The following FGF12 variants were observed in gnomAD, a reference collection of about 807,000 sequenced individuals.
FGF12 encodes fibroblast growth factor 12, also known as fibroblast growth factor 12B.
In FGF12, 14 loss-of-function variants were observed where a neutral mutation model predicts 23.6. The ratio of observed to expected loss-of-function variants is 0.59; its 90% confidence interval spans 0.39 to 0.93. The LOEUF (loss-of-function observed/expected upper bound fraction) is 0.93. FGF12 is among the 40% of genes least tolerant of loss of function. The pLI, the probability that FGF12 is intolerant of heterozygous loss-of-function variation, is 0.00. For synonymous variants in FGF12, 62 were observed against 77.3 expected, an observed-to-expected ratio of 0.80 and a Z score of 1.04; for missense variants, 175 against 217.8, an observed-to-expected ratio of 0.80 and a Z score of 1.24.
chr3:192,340,870 T>C (rs1039912773), intron 3 of FGF12, among the ~76,000 whole-genome samples: 1 of 151,762 alleles, frequency 6.6e-6, no homozygotes, highest in Non-Finnish European at 1.5e-5. Context: ...GAAAAAAACA[T>C]AGGGGAAAAA....
At chr3:192,292,818 C>T (rs1419017863) in intron 4 of FGF12, among the ~76,000 whole-genome samples, 1 of 152,124 alleles carries the variant, frequency 6.6e-6, no homozygotes, top group African/African-American at 2.4e-5. Flanking sequence ...GCTTGGTCAC[C>T]CAGGCTGAAG....
chr3:192,679,034 CCA>C (rs1362650231), intron 2 of FGF12, among the ~76,000 whole-genome samples: 1 of 152,076 alleles, frequency 6.6e-6, no homozygotes, highest in East Asian at 1.9e-4. Context: ...GATTTGGGGG[CCA>C]CACTTTTGAG....
intron 4 of FGF12, among the ~76,000 whole-genome samples, chr3:192,229,426 T>C (rs11922805): frequency 0.011 from 1,618 of 152,174 alleles, 26 homozygotes; most frequent in African/African-American, 0.037. Context: ...AAAATTTAGA[T>C]GCAGGTATTC....
chr3:192,684,188 G>A (rs979688717), intron 2 of FGF12, among the ~76,000 whole-genome samples: 2 of 152,108 alleles, frequency 1.3e-5, no homozygotes, highest in Non-Finnish European at 2.9e-5. Flanking sequence ...TGACACAGGC[G>A]ATCTGCAGAA....
At chr3:192,601,356 TA>T (rs1365005719) in intron 2 of FGF12, among the ~76,000 whole-genome samples, 1 of 151,644 alleles carries the variant, frequency 6.6e-6, no homozygotes, top group African/African-American at 2.4e-5. Context: ...ATAGGAAGAG[TA>T]AGTTCTAGTG....
At chr3:192,512,966 T>C (rs1484395448) in intron 2 of FGF12, among the ~76,000 whole-genome samples, 1 of 150,858 alleles carries the variant, frequency 6.6e-6, no homozygotes, top group Non-Finnish European at 1.5e-5. Context: ...GTCCCATACT[T>C]GCAACAAACT....
At chr3:192,542,281 ACT>A (rs1725389262) in intron 2 of FGF12, among the ~76,000 whole-genome samples, 1 of 151,306 alleles carries the variant, frequency 6.6e-6, no homozygotes. Context: ...CTGATAAGAG[ACT>A]CTGATGCATT....
At chr3:192,338,709 T>A (rs953908228) in intron 3 of FGF12, among the ~76,000 whole-genome samples, 1 of 152,166 alleles carries the variant, frequency 6.6e-6, no homozygotes, top group Admixed American at 6.5e-5. Flanking sequence ...AACATTCAAT[T>A]ACCCAGGTCT....
At chr3:192,585,531 G>C (rs745353479) in intron 2 of FGF12, among the ~76,000 whole-genome samples, 9 of 152,032 alleles carry the variant, frequency 5.9e-5, no homozygotes, top group Non-Finnish European at 1.0e-4. Context: ...GAAACTTCTA[G>C]ACACCTAACA....
chr3:192,439,989 A>G (rs1722156517), intron 2 of FGF12, among the ~76,000 whole-genome samples: 1 of 151,820 alleles, frequency 6.6e-6, no homozygotes, highest in African/African-American at 2.4e-5. Flanking sequence ...AAAAAAAAAA[A>G]AAAGCATAAT....
chr3:192,495,883 G>A (rs9833226), intron 2 of FGF12, among the ~76,000 whole-genome samples: 124,424 of 152,076 alleles, frequency 0.82, 51,891 homozygotes, highest in Non-Finnish European at 0.9. Flanking sequence ...GGCTCATCTC[G>A]AACTCCTGGG....
chr3:192,409,903 C>G lies in FGF12; in HGVS notation c.14-49365G>C, dbSNP rs1441058164. Among the ~76,000 whole-genome samples the G allele has an allele frequency of 2.0e-5, 3 of 151,774 alleles. No individual in the cohort carries two copies. Among genetic ancestry groups the G allele is most frequent in the Non-Finnish European group, 4.4e-5 (3 of 67,894 alleles). ...AGAGCCGCGGGCTTGCGGGGCGCCC[C>G]CCGCCGCCGCGCCGCCGCCTCCCCA... On this transcript the variant is annotated intron_variant, in intron 2 of 5. Transcript: ENST00000445105. This position sits in a 1 kb window ranked among gnomAD's most constrained non-coding sequence, Gnocchi z 4.8.
chr3:192,513,519 A>C (rs1240784729), intron 2 of FGF12, among the ~76,000 whole-genome samples: 3 of 152,222 alleles, frequency 2.0e-5, no homozygotes, highest in Non-Finnish European at 4.4e-5. Context: ...TCAAAGATCT[A>C]TAAGAATGAA....
chr3:192,439,574 C>A (rs1722132683), intron 2 of FGF12, among the ~76,000 whole-genome samples: 1 of 152,154 alleles, frequency 6.6e-6, no homozygotes, highest in South Asian at 2.1e-4. Flanking sequence ...AGACCTGGTT[C>A]TTGCCTCAAC....
At chr3:192,608,975 G>T (rs1450192298) in intron 2 of FGF12, among the ~76,000 whole-genome samples, 1 of 152,084 alleles carries the variant, frequency 6.6e-6, no homozygotes, top group Non-Finnish European at 1.5e-5. Flanking sequence ...AAGGCATTTG[G>T]CTGAGCTATA....
chr3:192,159,854 A>C (rs1714765233), intron 5 of FGF12, among the ~76,000 whole-genome samples: 1 of 152,156 alleles, frequency 6.6e-6, no homozygotes, highest in African/African-American at 2.4e-5. Context: ...GGAATTATAG[A>C]ACCCAAAGTC....
At chr3:192,407,660 GA>G (rs1721016415) in intron 2 of FGF12, among the ~76,000 whole-genome samples, 1 of 152,016 alleles carries the variant, frequency 6.6e-6, no homozygotes, top group African/African-American at 2.4e-5. Context: ...TGCATGGACG[GA>G]TAGATGCATG....
intron 3 of FGF12, among the ~76,000 whole-genome samples, chr3:192,335,734 T>G (rs1717372723): frequency 6.6e-6 from 1 of 152,068 alleles, no homozygotes; most frequent in South Asian, 2.1e-4. Flanking sequence ...GATCTGAGAT[T>G]TCAGGATCCC....
At chr3:192,502,204 C>T (rs569793053) in intron 2 of FGF12, among the ~76,000 whole-genome samples, 2 of 152,122 alleles carry the variant, frequency 1.3e-5, no homozygotes, top group East Asian at 3.9e-4. Context: ...TTGGAAATAC[C>T]CCTCCCACCA....
Sources: allele counts gnomAD v4.1 joint callset (sites outside exome capture counted in the v4.1 genomes callset), GRCh38; gene constraint gnomAD v4.1.1; non-coding constraint Gnocchi (gnomAD v3.1); transcripts MANE v1.5; gene names NCBI Gene and HGNC (gene_info 2026-07-23, HGNC 2026-07-21).